TBCB: variants seen among roughly 807,000 people sequenced by gnomAD.
TBCB encodes the protein tubulin folding cofactor B, also known as tubulin-folding cofactor B.
Under a neutral mutation model 29.2 loss-of-function variants are expected in TBCB, and 18 were observed. The observed-to-expected ratio is 0.62, with a 90% CI of 0.43 to 0.91. The LOEUF (loss-of-function observed/expected upper bound fraction) is 0.91. Among genes scored for constraint, TBCB ranks in the 40% least tolerant of loss-of-function variants. TBCB has a pLI of 0.00. For synonymous variants in TBCB, 172 were observed against 137.8 expected, an observed-to-expected ratio of 1.25 and a Z score of -1.74; for missense variants, 336 against 337.6, an observed-to-expected ratio of 1.00 and a Z score of 0.04.
At chr19:36,119,126 A>T (rs551378932) in intron 2 of TBCB, among the ~76,000 whole-genome samples, 33 of 152,304 alleles carry the variant, frequency 2.2e-4, no homozygotes, top group Middle Eastern at 6.8e-3. Flanking sequence ...CTCCCAGGCC[A>T]CTCAAGGAAG....
intron 2 of TBCB, among the ~76,000 whole-genome samples, chr19:36,118,267 G>A (rs1347832833): frequency 1.3e-5 from 2 of 152,212 alleles, no homozygotes; most frequent in African/African-American, 4.8e-5. Flanking sequence ...AGGACTGAAT[G>A]TGAAGGGTCA....
intron 2 of TBCB, chr19:36,116,439 G>A: frequency 2.4e-6 from 1 of 421,022 alleles, no homozygotes. Context: ...AATCAGAGAG[G>A]GCTTCCTGGA....
upstream of TBCB, chr19:36,115,391 G>A (rs1973928383): frequency 1.5e-5 from 9 of 602,682 alleles, no homozygotes; most frequent in East Asian, 2.9e-5. Flanking sequence ...TCCTGGCGGT[G>A]GGGAAGGGAC....
chr19:36,121,564 C>T lies in TBCB; in HGVS notation c.393C>T (p.Gly131=). The T allele has an allele frequency of 6.4e-7, 1 of 1,560,290 alleles. No homozygotes were observed. The highest frequency in any genetic ancestry group is 8.7e-7 in the Non-Finnish European group (1 of 1,154,004). ...VRSFLKRSKL[G]RYNEEERAQQ... ...CTTTCCTGAAGCGCAGCAAGCTCGG[C>T]CGGTACAACGAGGAGGAGCGGGCTC... Residue 131 remains glycine, a synonymous_variant, in exon 4 of 6, where the codon GGC becomes GGT. Coordinates refer to ENST00000221855, the MANE Select transcript of TBCB (RefSeq NM_001281.3).
intron 2 of TBCB, among the ~76,000 whole-genome samples, chr19:36,119,049 T>C (rs1189873180): frequency 6.6e-6 from 1 of 152,080 alleles, no homozygotes; most frequent in Non-Finnish European, 1.5e-5. Flanking sequence ...CGGGTGTTCA[T>C]AGGCACCTCA....
Position 36,125,851 on chromosome 19 carries a change from G to C in TBCB, c.*69G>C, listed in dbSNP as rs1054794801. ...ACTGCCCCTCCTGTGTGTGCCCATG[G>C]CCCTTTTCTCCTGACCCCATTTTAA... is the stretch of plus-strand genomic sequence containing the variant. On this transcript the variant is annotated 3_prime_UTR_variant, in exon 6 of 6. Transcript: ENST00000221855. 14 of 1,162,802 alleles carry C rather than the reference G, an allele frequency of 1.2e-5. No homozygotes were observed. The Admixed American group carries it at 3.3e-4, about 27-fold the overall frequency. The allele number at this position is 1,162,802 out of a possible 1,614,324, so 72.0% of individuals were successfully genotyped here.
intron 3 of TBCB, 146 bp from the exon 4 acceptor site, chr19:36,121,381 G>A (rs1974046686): frequency 7.1e-6 from 7 of 980,208 alleles, no homozygotes; most frequent in African/African-American, 1.6e-5. Flanking sequence ...GGCTAAGGCT[G>A]TGGTGGGAGA....
intron 1 of TBCB, 65 bp downstream of exon 1, chr19:36,115,739 G>T: frequency 8.2e-7 from 1 of 1,223,256 alleles, no homozygotes; most frequent in South Asian, 1.3e-5. Flanking sequence ...CCGGAAGGGG[G>T]AGGCTGGGAG....
At chr19:36,120,360 C>A in intron 2 of TBCB, 1 of 252,476 alleles carries the variant, frequency 4.0e-6, no homozygotes, top group Non-Finnish European at 7.8e-6. Flanking sequence ...AGGAGAGTCC[C>A]AGAGGCCCAT....
At chr19:36,121,782 G>C (rs1237364406) in intron 4 of TBCB, 64 bp downstream of exon 4, 2 of 1,539,608 alleles carry the variant, frequency 1.3e-6, no homozygotes, top group Non-Finnish European at 1.8e-6. Flanking sequence ...AATGTTGGGG[G>C]CACAGTGGAG....
intron 2 of TBCB, among the ~76,000 whole-genome samples, chr19:36,117,065 G>A (rs1364607647): frequency 6.6e-6 from 1 of 152,162 alleles, no homozygotes; most frequent in African/African-American, 2.4e-5. Context: ...CTTCCTTCCT[G>A]TCTTAATTTA....
At position 36,125,726 on chromosome 19, in the gene TBCB, G is replaced by T. The variant is rs1974127403; in HGVS notation, c.679G>T (p.Ala227Ser). The change falls in exon 6 of 6, where the codon GCA becomes TCA. Residue 227 changes from alanine to serine, a missense_variant. Transcript: ENST00000221855. ...CAAGTATGGCGCCTTTGTCAAGCCA[G>T]CAGTCGTGACGGTGGGGGACTTCCC... ...QAKYGAFVKP[A>S]VVTVGDFPEE... 6.3e-7 allele frequency: 1 copy of T among 1,579,012 alleles called. No individual in the cohort carries two copies. Among genetic ancestry groups the T allele is most frequent in the Non-Finnish European group, 8.6e-7 (1 of 1,162,024 alleles).
At position 36,122,386 on chromosome 19, in the gene TBCB, A is replaced by G. The variant is rs577517228; in HGVS notation, c.547+668A>G. ...CTTGAGCCCCGGAGTTGGAGGTTAC[A>G]GTGAGCTATGATTGTGTCATTGCAC... On this transcript the variant is annotated intron_variant, in intron 4 of 5. Coordinates refer to ENST00000221855, the MANE Select transcript of TBCB (RefSeq NM_001281.3). 1.8e-3 allele frequency among the ~76,000 whole-genome samples: 277 copies of G among 151,978 alleles called. 2 individuals carry two copies. Among genetic ancestry groups the G allele is most frequent in the Non-Finnish European group, 3.4e-3 (228 of 67,936 alleles).
chr19:36,117,233 T>G (rs543670639), intron 2 of TBCB, among the ~76,000 whole-genome samples: 1 of 152,346 alleles, frequency 6.6e-6, no homozygotes, highest in East Asian at 1.9e-4. Context: ...ACTCTCTGTC[T>G]CCCTGGATTC....
At chr19:36,124,331 A>G (rs530055094) in intron 4 of TBCB, among the ~76,000 whole-genome samples, 1 of 148,532 alleles carries the variant, frequency 6.7e-6, no homozygotes, top group Non-Finnish European at 1.5e-5. Context: ...AGCAATTCTC[A>G]TGCCTCAGCC....
chr19:36,116,946 C>A (rs550101841), intron 2 of TBCB, among the ~76,000 whole-genome samples: 2 of 152,116 alleles, frequency 1.3e-5, no homozygotes, highest in Non-Finnish European at 2.9e-5. Context: ...TCCCTCCCGA[C>A]CTCACTCAGT....
chr19:36,121,247 G>A (rs551634038), intron 3 of TBCB, among the ~76,000 whole-genome samples: 66 of 152,098 alleles, frequency 4.3e-4, no homozygotes, highest in Admixed American at 1.8e-3. Flanking sequence ...GGAGGAGGAA[G>A]GCGGATGATG....
At chr19:36,120,680 G>C (rs757690138) in intron 2 of TBCB, 30 bp from the exon 3 acceptor site, 1 of 1,609,502 alleles carries the variant, frequency 6.2e-7, no homozygotes. Flanking sequence ...GCCAGACCCT[G>C]ATCCCCACGG....
chr19:36,120,854 T>C, intron 3 of TBCB, 48 bp downstream of exon 3: 1 of 1,582,952 alleles, frequency 6.3e-7, no homozygotes, highest in Non-Finnish European at 8.7e-7. Context: ...AGAGGGAGTA[T>C]GTGCAGGTAT....
Sources: allele counts gnomAD v4.1 joint callset (sites outside exome capture counted in the v4.1 genomes callset), GRCh38; gene constraint gnomAD v4.1.1; transcripts MANE v1.5; gene names NCBI Gene and HGNC (gene_info 2026-07-23, HGNC 2026-07-21).